The following UIMC1 variants were observed in gnomAD, a reference collection of about 807,000 sequenced individuals.
The protein encoded by UIMC1 is ubiquitin interaction motif containing 1, also known as BRCA1-A complex subunit RAP80.
In UIMC1, 42 loss-of-function variants were observed where a neutral mutation model predicts 84.9. The ratio of observed to expected loss-of-function variants is 0.49; its 90% confidence interval spans 0.39 to 0.64. UIMC1 has a LOEUF of 0.64. Among genes scored for constraint, UIMC1 ranks in the 30% least tolerant of loss-of-function variants. The pLI, the probability that UIMC1 is intolerant of heterozygous loss-of-function variation, is 0.00. For synonymous variants in UIMC1, 281 were observed against 293.0 expected (o/e 0.96, Z 0.42); for missense variants, 825 against 847.6 (o/e 0.97, Z 0.33).
chr5:177,021,657 CTT>C (rs745476437), intron 1 of UIMC1, among the ~76,000 whole-genome samples: 8 of 143,672 alleles, frequency 5.6e-5, no homozygotes, highest in Non-Finnish European at 6.1e-5. Context: ...AGGACTTTGG[CTT>C]TTTTTTTTTT....
chr5:176,940,063 A>T (rs978625415), intron 10 of UIMC1, among the ~76,000 whole-genome samples: 14 of 152,206 alleles, frequency 9.2e-5, no homozygotes, highest in African/African-American at 3.4e-4. Context: ...GATGATGATG[A>T]TAAGACTCAG....
At chr5:176,923,874 A>AT (rs61342160) in intron 10 of UIMC1, among the ~76,000 whole-genome samples, 44,133 of 146,254 alleles carry the variant, frequency 0.3, 7,842 homozygotes, top group Admixed American at 0.46. Context: ...AAAAAAAAAA[A>AT]ATATATATAT....
intron 10 of UIMC1, among the ~76,000 whole-genome samples, chr5:176,916,193 T>C (rs1343705505): frequency 6.6e-6 from 1 of 152,182 alleles, no homozygotes. Flanking sequence ...GAATTCATTA[T>C]GAAACATATA....
At chr5:176,988,924 C>T (rs749694599) in intron 1 of UIMC1, among the ~76,000 whole-genome samples, 1 of 152,066 alleles carries the variant, frequency 6.6e-6, no homozygotes, top group Non-Finnish European at 1.5e-5. Context: ...CCTCATGATC[C>T]ACCCACCTTG....
At chr5:176,996,950 C>T (rs1303156862) in intron 1 of UIMC1, among the ~76,000 whole-genome samples, 1 of 152,124 alleles carries the variant, frequency 6.6e-6, no homozygotes, top group Non-Finnish European at 1.5e-5. Context: ...TGGTCAGAGG[C>T]TGTTGAAATG....
Position 176,905,400 on chromosome 5 carries a change from G to C in UIMC1, c.2042C>G (p.Ser681Cys). Residue 681 changes from serine to cysteine, a missense_variant, in exon 15 of 15, where the codon TCT (serine) becomes TGT (cysteine). By Grantham distance (112) the Ser-to-Cys change is moderately radical. Transcript: ENST00000511320. ...RRDLNESPVK[S>C]FVSISEATDC... ...TGTGGCTTCTGAAATGGAAACAAAA[G>C]ACTTGACGGGAGATTCATTTAAGTC... is the stretch of plus-strand genomic sequence containing the variant. 1 of 1,614,128 alleles carries C rather than the reference G, an allele frequency of 6.2e-7. No individual in the cohort carries two copies. Among genetic ancestry groups the C allele is most frequent in the Middle Eastern group, 1.6e-4 (1 of 6,062 alleles).
intron 6 of UIMC1, among the ~76,000 whole-genome samples, chr5:176,966,763 T>C (rs1430815623): frequency 6.6e-6 from 1 of 152,160 alleles, no homozygotes; most frequent in Non-Finnish European, 1.5e-5. Flanking sequence ...TATACACCAT[T>C]ATGTAATGGG....
At chr5:176,907,037 G>T in intron 13 of UIMC1, 77 bp downstream of exon 13, 2 of 1,461,926 alleles carry the variant, frequency 1.4e-6, no homozygotes, top group Non-Finnish European at 9.5e-7. Context: ...ACAGCAAATA[G>T]TCAGGGGGCT....
chr5:176,967,845 G>A (rs1324894601), intron 6 of UIMC1, among the ~76,000 whole-genome samples: 1 of 151,324 alleles, frequency 6.6e-6, no homozygotes, highest in East Asian at 1.9e-4. Context: ...GGAGGCTGCA[G>A]GGACCCAAGA....
intron 1 of UIMC1, among the ~76,000 whole-genome samples, chr5:177,021,760 C>T (rs1775842826): frequency 6.6e-6 from 1 of 152,064 alleles, no homozygotes; most frequent in Non-Finnish European, 1.5e-5. Context: ...TCAAGCCATT[C>T]TCCTGGCTCA....
rs1296223259 is a variant in UIMC1, at chr5:176,968,789, T to C, written c.966A>G (p.Glu322=). Residue 322 remains glutamate (E), a synonymous_variant, in exon 6 of 15, where the codon GAA becomes GAG. Coordinates refer to ENST00000511320, the MANE Select transcript of UIMC1 (RefSeq NM_001199298.2). ...RQLLNKKGFG[E]PVLPRPPSLI... ...GAGAAGGAGGTCTAGGTAACACTGG[T>C]TCCCCAAAACCTTTTTTATTAAGGA... 1.2e-6 allele frequency: 2 copies of C among 1,614,156 alleles called. No homozygotes were observed. Among genetic ancestry groups the C allele is most frequent in the East Asian group, 4.5e-5 (2 of 44,886 alleles).
At chr5:176,930,972 G>A (rs1362163243) in intron 10 of UIMC1, among the ~76,000 whole-genome samples, 2 of 152,242 alleles carry the variant, frequency 1.3e-5, no homozygotes, top group African/African-American at 4.8e-5. Context: ...GAAACCGACT[G>A]AGGCTTCCAC....
chr5:176,934,249 T>C lies in UIMC1; in HGVS notation c.1597+9086A>G, dbSNP rs544818602. 2.6e-3 allele frequency among the ~76,000 whole-genome samples: 396 copies of C among 152,316 alleles called. 6 individuals are homozygous for C. The highest frequency in any genetic ancestry group is 4.4e-3 in the Non-Finnish European group (297 of 68,022). On this transcript the variant is annotated intron_variant, in intron 10 of 14. Coordinates refer to ENST00000511320, the MANE Select transcript of UIMC1 (RefSeq NM_001199298.2). ...ACTTTAGAGATAAAATAATTTTATA[T>C]AGAAAAAGACATATAAACACTTTAG...
chr5:176,943,179 A>G, intron 10 of UIMC1, 156 bp downstream of exon 10: 5 of 884,560 alleles, frequency 5.7e-6, no homozygotes, highest in Non-Finnish European at 8.4e-6. Flanking sequence ...GATGAACATA[A>G]AAGTACTAGA....
intron 1 of UIMC1, 83 bp downstream of exon 1, chr5:177,006,567 G>A (rs981773476): frequency 1.3e-5 from 2 of 152,338 alleles, no homozygotes; most frequent in Admixed American, 6.5e-5. Context: ...CCCTCCCGGA[G>A]AGTAGCGGGC....
intron 7 of UIMC1, among the ~76,000 whole-genome samples, chr5:176,957,388 A>G (rs1004392590): frequency 6.6e-6 from 1 of 152,218 alleles, no homozygotes; most frequent in Non-Finnish European, 1.5e-5. Context: ...GTGGAAAGTA[A>G]CTGGAAGCAT....
chr5:176,920,234 G>C (rs1171140124), intron 10 of UIMC1, among the ~76,000 whole-genome samples: 1 of 151,928 alleles, frequency 6.6e-6, no homozygotes, highest in East Asian at 1.9e-4. Context: ...CTCCACATTG[G>C]TAAGGCTAGT....
intron 1 of UIMC1, among the ~76,000 whole-genome samples, chr5:177,021,514 A>G (rs1010773112): frequency 2.0e-5 from 3 of 152,184 alleles, no homozygotes; most frequent in Admixed American, 6.5e-5. Context: ...AGCCATGAAG[A>G]TATATGAGAG....
intron 1 of UIMC1, among the ~76,000 whole-genome samples, chr5:176,987,609 C>T (rs1772221639): frequency 6.6e-6 from 1 of 152,132 alleles, no homozygotes; most frequent in Non-Finnish European, 1.5e-5. Flanking sequence ...CAAGACCACA[C>T]CACTGCCCTC....
Sources: gnomAD v4.1 joint callset for allele counts (sites outside exome capture counted in the v4.1 genomes callset) on GRCh38, gnomAD v4.1.1 for gene constraint, MANE v1.5 for transcripts, NCBI Gene and HGNC (gene_info 2026-07-23, HGNC 2026-07-21) for gene names.